The following KSR2 variants were observed in gnomAD, a reference collection of about 807,000 sequenced individuals.
The protein encoded by KSR2 is kinase suppressor of ras 2.
In KSR2, 25 loss-of-function variants were observed where a neutral mutation model predicts 107.8. That is an observed-to-expected ratio of 0.23 (90% CI 0.17 to 0.32). KSR2 has a LOEUF of 0.32. KSR2 is among the 10% of genes least tolerant of loss of function. The probability of loss-of-function intolerance (pLI) is 1.00; values close to 1 mark genes in which losing one functional copy is unlikely to be tolerated. For missense variants in KSR2, 887 were observed against 1,268.9 expected (o/e 0.70, Z 4.57); for synonymous variants, 480 against 507.0 (o/e 0.95, Z 0.71).
At chr12:117,684,547 T>C (rs75370686) in intron 4 of KSR2, among the ~76,000 whole-genome samples, 11 of 137,328 alleles carry the variant, frequency 8.0e-5, no homozygotes, top group African/African-American at 2.6e-4. Context: ...CCACCCTCTA[T>C]ACATATTTCC....
intron 7 of KSR2, among the ~76,000 whole-genome samples, chr12:117,559,657 T>C (rs1877972731): frequency 6.6e-6 from 1 of 152,200 alleles, no homozygotes; most frequent in Admixed American, 6.5e-5. Flanking sequence ...TTTAGAGGCA[T>C]ACAGTTGAAG....
chr12:117,612,799 G>A (rs1881674193), intron 5 of KSR2, among the ~76,000 whole-genome samples: 1 of 152,198 alleles, frequency 6.6e-6, no homozygotes, highest in Non-Finnish European at 1.5e-5. Context: ...CATGTAGGGA[G>A]GCAATTGGAT....
chr12:117,575,725 G>A (rs1294849564), intron 7 of KSR2, among the ~76,000 whole-genome samples: 2 of 152,178 alleles, frequency 1.3e-5, no homozygotes, highest in Admixed American at 1.3e-4. Flanking sequence ...AGATCTTCAT[G>A]TTTTGAATTT....
intron 4 of KSR2, among the ~76,000 whole-genome samples, chr12:117,680,501 G>A (rs1185590981): frequency 6.6e-6 from 1 of 152,142 alleles, no homozygotes; most frequent in African/African-American, 2.4e-5. Context: ...ATTGAAGGGT[G>A]AGATGATGCA....
intron 3 of KSR2, among the ~76,000 whole-genome samples, chr12:117,821,802 G>C (rs546784574): frequency 1.3e-5 from 2 of 152,276 alleles, no homozygotes; most frequent in East Asian, 3.9e-4. Context: ...AAAGAACATG[G>C]TCTTTGGTCT....
At chr12:117,893,627 T>C (rs900581942) in intron 1 of KSR2, among the ~76,000 whole-genome samples, 2 of 152,006 alleles carry the variant, frequency 1.3e-5, no homozygotes, top group Admixed American at 1.3e-4. Flanking sequence ...TAACACCCAC[T>C]CCAAATGAAC....
At chr12:117,806,548 CAG>C (rs1891014834) in intron 3 of KSR2, among the ~76,000 whole-genome samples, 1 of 152,242 alleles carries the variant, frequency 6.6e-6, no homozygotes, top group African/African-American at 2.4e-5. Flanking sequence ...CATTTTCACA[CAG>C]ACACTTCAAC....
At chr12:117,711,868 G>C (rs1207464076) in intron 4 of KSR2, among the ~76,000 whole-genome samples, 2 of 152,188 alleles carry the variant, frequency 1.3e-5, no homozygotes, top group Admixed American at 6.5e-5. Flanking sequence ...GTTGGGTTGT[G>C]CCATGAAGAG....
At chr12:117,717,227 T>C (rs1341521899) in intron 4 of KSR2, among the ~76,000 whole-genome samples, 1 of 152,278 alleles carries the variant, frequency 6.6e-6, no homozygotes, top group East Asian at 1.9e-4. Context: ...CTGCACTTTT[T>C]AGAGAGCCCA....
chr12:117,694,976 G>A (rs941245195), intron 4 of KSR2, among the ~76,000 whole-genome samples: 16 of 147,620 alleles, frequency 1.1e-4, no homozygotes, highest in South Asian at 4.4e-4. Flanking sequence ...TCAGCCTCCC[G>A]AGTAGCTGGG....
At chr12:117,540,643 G>T (rs1038469868) in intron 9 of KSR2, among the ~76,000 whole-genome samples, 1 of 152,240 alleles carries the variant, frequency 6.6e-6, no homozygotes, top group Non-Finnish European at 1.5e-5. Flanking sequence ...GGATTCGGGT[G>T]AGTCCTAAAT....
chr12:117,570,877 G>A (rs907503946), intron 7 of KSR2, among the ~76,000 whole-genome samples: 13 of 152,330 alleles, frequency 8.5e-5, no homozygotes, highest in African/African-American at 3.1e-4. Flanking sequence ...CCTTGCTGTT[G>A]TTTCACTGTC....
In KSR2 at chr12:117,453,110, A is replaced by T. The variant is rs145909822; in HGVS notation, c.*14089T>A. 22 of 152,786 alleles carry T rather than the reference A, an allele frequency of 1.4e-4. No homozygotes were observed. The highest frequency in any genetic ancestry group is 3.1e-4 in the Non-Finnish European group (21 of 68,032). 9.5% of individuals were successfully genotyped at this position (152,786 alleles called of 1,614,324 possible). A position where few individuals can be genotyped will look rare whatever the true frequency, so the allele number is the denominator to read the frequency against. ...TTCAGACATTGGTTTCTCACTAAAC[A>T]TTGCACTAAACACAAGAAACAACAG... On this transcript the variant is annotated 3_prime_UTR_variant, in exon 20 of 20. Coordinates refer to ENST00000339824, the MANE Select transcript of KSR2 (RefSeq NM_173598.6).
At chr12:117,822,583 C>T (rs985651574) in intron 3 of KSR2, among the ~76,000 whole-genome samples, 48 of 152,124 alleles carry the variant, frequency 3.2e-4, no homozygotes, top group African/African-American at 1.1e-3. Context: ...TGACTGGAAG[C>T]CTTACTGATA....
intron 4 of KSR2, among the ~76,000 whole-genome samples, chr12:117,725,416 T>G (rs901720006): frequency 2.0e-5 from 3 of 152,140 alleles, no homozygotes; most frequent in Non-Finnish European, 2.9e-5. Flanking sequence ...GATGAAGATA[T>G]CAAGTCATTC....
chr12:117,859,414 T>C (rs568837297), intron 2 of KSR2, among the ~76,000 whole-genome samples: 69 of 151,540 alleles, frequency 4.6e-4, no homozygotes, highest in South Asian at 1.0e-3. Context: ...ATTACAGGCA[T>C]GAGCCACCGC....
At chr12:117,769,224 G>T (rs573867197) in intron 3 of KSR2, among the ~76,000 whole-genome samples, 228 of 149,360 alleles carry the variant, frequency 1.5e-3, no homozygotes, top group African/African-American at 5.2e-3. Flanking sequence ...ATCTTAGTGG[G>T]TTTTTTTTTT....
At chr12:117,757,967 G>A (rs927260367) in intron 4 of KSR2, among the ~76,000 whole-genome samples, 16 of 152,078 alleles carry the variant, frequency 1.1e-4, no homozygotes, top group African/African-American at 3.6e-4. Context: ...ACACTAAAAC[G>A]CTTACCAGAT....
chr12:117,502,591 G>A (rs989561117), intron 14 of KSR2, among the ~76,000 whole-genome samples: 11 of 152,216 alleles, frequency 7.2e-5, no homozygotes, highest in African/African-American at 2.6e-4. Context: ...AGATTTTGGT[G>A]ATAGTGGCAA....
Sources: gnomAD v4.1 joint callset for allele counts (sites outside exome capture counted in the v4.1 genomes callset) on GRCh38, gnomAD v4.1.1 for gene constraint, MANE v1.5 for transcripts, NCBI Gene and HGNC (gene_info 2026-07-23, HGNC 2026-07-21) for gene names.